MYOM1: variants seen among roughly 807,000 people sequenced by gnomAD.
MYOM1 encodes myomesin 1.
In MYOM1, 164 loss-of-function variants were observed where a neutral mutation model predicts 205.3. That is an observed-to-expected ratio of 0.80 (90% CI 0.70 to 0.91). MYOM1 has a LOEUF of 0.91. Among genes scored for constraint, MYOM1 ranks in the 40% least tolerant of loss-of-function variants. The pLI, the probability that MYOM1 is intolerant of heterozygous loss-of-function variation, is 0.00. For missense variants in MYOM1, 2,011 were observed against 2,127.3 expected, an observed-to-expected ratio of 0.95 and a Z score of 1.08; for synonymous variants, 772 against 789.4, an observed-to-expected ratio of 0.98 and a Z score of 0.37.
chr18:3,085,138 G>A lies in MYOM1; in HGVS notation c.4252-6C>T. On this transcript the variant is annotated splice_region_variant and splice_polypyrimidine_tract_variant and intron_variant, in intron 30 of 37. Transcript: ENST00000356443. ...CCAGCATCTTTCTTGGAAAACTAAG[G>A]GGGAATAGATATACCACATTGCACC... is the stretch of plus-strand genomic sequence containing the variant. The A allele has an allele frequency of 2.5e-6, 4 of 1,597,302 alleles. No homozygotes were observed. The highest frequency in any genetic ancestry group is 3.4e-6 in the Non-Finnish European group (4 of 1,171,270).
intron 14 of MYOM1, among the ~76,000 whole-genome samples, chr18:3,139,926 A>G (rs2080024207): frequency 6.6e-6 from 1 of 152,216 alleles, no homozygotes; most frequent in South Asian, 2.1e-4. Flanking sequence ...TCATCTGCAG[A>G]AAACGCCTCC....
chr18:3,079,169 A>G lies in MYOM1; in HGVS notation c.4648+10T>C. On this transcript the variant is annotated intron_variant, in intron 34 of 37. Coordinates refer to ENST00000356443, the MANE Select transcript of MYOM1 (RefSeq NM_003803.4). ...TAGAGTAAATTTGAATCTGCAAAAT[A>G]TCTGTTTACCTTGTCCAGAGAGATC... 6.2e-7 allele frequency: 1 copy of G among 1,613,218 alleles called. No homozygotes were observed. Among genetic ancestry groups the G allele is most frequent in the Admixed American group, 1.7e-5 (1 of 59,954 alleles).
chr18:3,138,350 A>G (rs530302539), intron 14 of MYOM1, among the ~76,000 whole-genome samples: 6 of 152,218 alleles, frequency 3.9e-5, no homozygotes, highest in African/African-American at 7.2e-5. Context: ...ACCACACAGG[A>G]TGATCTTCGT....
the MYOM1 span, among the ~76,000 whole-genome samples, chr18:3,242,990 A>G: frequency 6.6e-6 from 1 of 152,118 alleles, no homozygotes; most frequent in Admixed American, 6.6e-5. Context: ...ATTTTCTAGT[A>G]TGGAAGTAAT....
intron 19 of MYOM1, among the ~76,000 whole-genome samples, chr18:3,126,309 T>A (rs1598699473): frequency 6.7e-6 from 1 of 148,642 alleles, no homozygotes; most frequent in African/African-American, 2.5e-5. Flanking sequence ...AGAGTGTCAT[T>A]AAATCCTGGG....
chr18:3,216,398 T>C (rs2081267629), intron 1 of MYOM1, among the ~76,000 whole-genome samples: 1 of 152,120 alleles, frequency 6.6e-6, no homozygotes, highest in Non-Finnish European at 1.5e-5. Context: ...AAGTCAAGTA[T>C]GAGATAGGTT....
At chr18:3,191,983 A>G (rs1043979555) in intron 3 of MYOM1, among the ~76,000 whole-genome samples, 5 of 152,288 alleles carry the variant, frequency 3.3e-5, no homozygotes, top group African/African-American at 9.6e-5. Flanking sequence ...GGCATGAGCC[A>G]CCGTGCCTGG....
At position 3,119,923 on chromosome 18, in the gene MYOM1, G is replaced by A. The variant is rs2143833136; in HGVS notation, c.3064C>T (p.Pro1022Ser). 2.5e-6 allele frequency: 4 copies of A among 1,612,256 alleles called. No homozygotes were observed. Among genetic ancestry groups the A allele is most frequent in the Non-Finnish European group, 3.4e-6 (4 of 1,179,332 alleles). Reference protein sequence around the residue: ...AAMNMAGLGAPSAVSECFKCE... With the variant: ...AAMNMAGLGASSAVSECFKCE... ...TTGAAGCATTCGCTTACTGCGGAGG[G>A]CGCGCCCAGCCCAGCCATGTTCATG... is the stretch of plus-strand genomic sequence containing the variant. Residue 1022 changes from proline to serine, a missense_variant, in exon 20 of 38, where the codon CCC becomes TCC. Pro to Ser is a moderately conservative substitution (Grantham distance 74, BLOSUM62 -1). Coordinates refer to ENST00000356443, the MANE Select transcript of MYOM1 (RefSeq NM_003803.4).
chr18:3,081,992 G>T (rs930778170), intron 33 of MYOM1, among the ~76,000 whole-genome samples: 1 of 152,190 alleles, frequency 6.6e-6, no homozygotes, highest in African/African-American at 2.4e-5. Flanking sequence ...CACAGACCAG[G>T]TCGGGGGTGG....
At chr18:3,157,720 A>C (rs868533586) in intron 10 of MYOM1, among the ~76,000 whole-genome samples, 74 of 129,356 alleles carry the variant, frequency 5.7e-4, no homozygotes, top group African/African-American at 2.0e-3. Flanking sequence ...TAATAATAAT[A>C]ATAATCCTTC....
At chr18:3,216,338 T>G (rs1475825500) in intron 1 of MYOM1, among the ~76,000 whole-genome samples, 1 of 152,230 alleles carries the variant, frequency 6.6e-6, no homozygotes, top group Admixed American at 6.5e-5. Context: ...AATTACCTTG[T>G]ACAGAACTGT....
Position 3,187,716 on chromosome 18 carries a change from G to A in MYOM1, c.772-79C>T, listed in dbSNP as rs1359220093. ...GTGAATTTTGGTGCTAAAATAACAAGTAGAAGGCAAAAGTTTTATTTTTCC... is the reference window on the plus strand; with the variant it reads ...GTGAATTTTGGTGCTAAAATAACAAATAGAAGGCAAAAGTTTTATTTTTCC... On this transcript the variant is annotated intron_variant, in intron 4 of 37. Transcript: ENST00000356443. 5 of 1,344,832 alleles carry A rather than the reference G, an allele frequency of 3.7e-6. No individual in the cohort carries two copies. In the South Asian group the frequency reaches 5.0e-5, roughly 13 times the overall value. The allele number at this position is 1,344,832 out of a possible 1,614,324, so 83.3% of individuals were successfully genotyped here.
chr18:3,243,524 G>A, the MYOM1 span, among the ~76,000 whole-genome samples: 5 of 152,210 alleles, frequency 3.3e-5, no homozygotes, highest in East Asian at 3.9e-4. Flanking sequence ...TATGGGCTTC[G>A]GGCTGGGCCA....
At chr18:3,127,299 A>ATTTTTTT (rs1567920743) in intron 18 of MYOM1, among the ~76,000 whole-genome samples, 1 of 49,900 alleles carries the variant, frequency 2.0e-5, no homozygotes, top group Non-Finnish European at 3.7e-5. Context: ...ATATATATAT[A>ATTTTTTT]TATATATTTT....
chr18:3,096,738 A>G (rs4129928), intron 25 of MYOM1, among the ~76,000 whole-genome samples: 5 of 152,132 alleles, frequency 3.3e-5, no homozygotes, highest in Non-Finnish European at 5.9e-5. Context: ...AGGGGTAAAA[A>G]CCGGTGTCTG....
chr18:3,077,982 T>G (rs769598456), intron 34 of MYOM1, among the ~76,000 whole-genome samples: 17 of 151,898 alleles, frequency 1.1e-4, no homozygotes, highest in Non-Finnish European at 2.1e-4. Context: ...AGGGCGACGC[T>G]CTAAGTGATG....
intron 2 of MYOM1, among the ~76,000 whole-genome samples, chr18:3,213,895 T>C (rs2081221278): frequency 6.6e-6 from 1 of 152,222 alleles, no homozygotes; most frequent in African/African-American, 2.4e-5. Flanking sequence ...ACTTTATTGT[T>C]TCCAAAGAAA....
chr18:3,186,974 AAG>A (rs72465123), intron 5 of MYOM1, among the ~76,000 whole-genome samples: 4,265 of 152,074 alleles, frequency 0.028, 191 homozygotes, highest in African/African-American at 0.098. Context: ...AAAGAAAAGA[AAG>A]AAGAAAGAAA....
At chr18:3,247,282 C>G in the MYOM1 span, 1 of 152,070 alleles carries the variant, frequency 6.6e-6, no homozygotes, top group South Asian at 2.2e-4. Context: ...GCACACAGAG[C>G]TAGCATCAAG....
Sources: gnomAD v4.1 joint callset for allele counts (sites outside exome capture counted in the v4.1 genomes callset) on GRCh38, gnomAD v4.1.1 for gene constraint, MANE v1.5 for transcripts, NCBI Gene and HGNC (gene_info 2026-07-23, HGNC 2026-07-21) for gene names.